The following ARHGEF6 variants were observed in gnomAD, a reference collection of about 807,000 sequenced individuals.
ARHGEF6 encodes the protein Rac/Cdc42 guanine nucleotide exchange factor 6.
In ARHGEF6, 9 loss-of-function variants were observed where a neutral mutation model predicts 70.3. That is an observed-to-expected ratio of 0.13 (90% CI 0.08 to 0.22). The LOEUF (loss-of-function observed/expected upper bound fraction) is 0.22, where lower values mean the gene tolerates loss of function less well. Ranked by LOEUF, ARHGEF6 falls within the 10% of genes least tolerant of loss-of-function variation. The pLI, the probability that ARHGEF6 is intolerant of heterozygous loss-of-function variation, is 1.00. For missense variants in ARHGEF6, 470 were observed against 563.0 expected, an observed-to-expected ratio of 0.83 and a Z score of 1.67; for synonymous variants, 201 against 207.8, an observed-to-expected ratio of 0.97 and a Z score of 0.28.
At chrX:136,765,663 T>A (rs1426451095) in intron 2 of ARHGEF6, among the ~76,000 whole-genome samples, 2 of 112,983 alleles carry the variant, frequency 1.8e-5, no homozygotes, top group Non-Finnish European at 3.7e-5. Flanking sequence ...AACACTTTTG[T>A]ATAAAATGTC....
intron 9 of ARHGEF6, among the ~76,000 whole-genome samples, chrX:136,694,926 A>C (rs1302620743): frequency 8.9e-6 from 1 of 111,869 alleles, no homozygotes; most frequent in Non-Finnish European, 1.9e-5. Context: ...AGCTGCATGC[A>C]ATCATACAAT....
At chrX:136,675,140 T>C in intron 18 of ARHGEF6, 44 bp from the exon 19 acceptor site, 4 of 1,091,932 alleles carry the variant, frequency 3.7e-6, no homozygotes, top group Non-Finnish European at 5.1e-6. Flanking sequence ...ATATATGCTT[T>C]TGGACCCTCA....
At chrX:136,729,359 T>TCGGGA (rs2076908572) in intron 6 of ARHGEF6, among the ~76,000 whole-genome samples, 1 of 102,088 alleles carries the variant, frequency 9.8e-6, no homozygotes, top group African/African-American at 3.6e-5. Flanking sequence ...TCCCAGCTAC[T>TCGGGA]CGGGAAGATG....
chrX:136,767,371 G>A, intron 2 of ARHGEF6: 1 of 755,257 alleles, frequency 1.3e-6, no homozygotes, highest in Non-Finnish European at 1.6e-6. Context: ...TCGCCCCAGC[G>A]GGGAGGGGCG....
chrX:136,682,089 T>C (rs1013331420), intron 13 of ARHGEF6, 121 bp from the exon 14 acceptor site: 13 of 538,995 alleles, frequency 2.4e-5, no homozygotes, highest in Non-Finnish European at 4.2e-5. Context: ...CTCCAGTCTG[T>C]CAATAGATAA....
chrX:136,745,089 G>A (rs1409482926), intron 4 of ARHGEF6, 134 bp downstream of exon 4: 2 of 881,416 alleles, frequency 2.3e-6, no homozygotes, highest in East Asian at 3.1e-5. Context: ...ATTGGTGCTC[G>A]GTTTATAATT....
rs766570806 is a variant in ARHGEF6, at chrX:136,680,770, T to C, written c.1665A>G (p.Ser555=). Residue 555 remains serine, a synonymous_variant, in exon 15 of 22, where the codon TCA becomes TCG. Transcript: ENST00000250617. ...ATGATGACGATGAGGTTTTGGATAA[T>C]GAACTGCAAGAGGCAGGTCCTCTGA... ...RLIRGPASCS[S]LSKTSSSSCS... 1.1e-5 allele frequency: 13 copies of C among 1,210,260 alleles called. No homozygotes were observed. In the East Asian group the frequency reaches 1.2e-4, roughly 11 times the overall value.
intron 9 of ARHGEF6, among the ~76,000 whole-genome samples, chrX:136,693,808 C>T (rs1474820223): frequency 1.8e-5 from 2 of 111,127 alleles, no homozygotes; most frequent in Non-Finnish European, 3.8e-5. Flanking sequence ...ATAACTCTAC[C>T]TAGCAGAAGG....
intron 10 of ARHGEF6, among the ~76,000 whole-genome samples, chrX:136,689,651 C>T (rs1283346715): frequency 8.9e-6 from 1 of 112,012 alleles, no homozygotes; most frequent in Non-Finnish European, 1.9e-5. Context: ...AATGTGGTTT[C>T]GCTCAGAGAA....
chrX:136,708,912 CAGCTTCTTA>C lies in ARHGEF6; in HGVS notation c.828-151_828-143del, dbSNP rs2076655806. 7.4e-6 allele frequency: 3 copies of C among 404,840 alleles called. No individual in the cohort carries two copies. In the East Asian group the frequency reaches 1.5e-4, roughly 20 times the overall value. 33.4% of individuals were successfully genotyped at this position (404,840 alleles called of 1,213,427 possible). A position where few individuals can be genotyped will look rare whatever the true frequency, so the allele number is the denominator to read the frequency against. On this transcript the variant is annotated intron_variant, in intron 7 of 21. Transcript: ENST00000250617. The stretch of plus-strand genomic sequence containing the variant: ...TTTATAACAACTCTATTGTCTTAGG[CAGCTTCTTA>C]AGCTTCTCCCCTTGATTTTCTTTTA...
chrX:136,774,748 AAAAAG>A (rs1331260002), intron 2 of ARHGEF6, among the ~76,000 whole-genome samples: 1 of 110,401 alleles, frequency 9.1e-6, no homozygotes, highest in African/African-American at 3.3e-5. Context: ...AATAGAAAAA[AAAAAG>A]AAAATTCCAT....
At chrX:136,759,906 G>T (rs1040238896) in intron 2 of ARHGEF6, among the ~76,000 whole-genome samples, 1 of 112,180 alleles carries the variant, frequency 8.9e-6, no homozygotes. Context: ...AACTTAATTA[G>T]GAAGGTAAAT....
At chrX:136,677,018 A>G (rs1043162355) in intron 17 of ARHGEF6, among the ~76,000 whole-genome samples, 3 of 112,496 alleles carry the variant, frequency 2.7e-5, no homozygotes, top group Non-Finnish European at 5.6e-5. Flanking sequence ...CCATCTGCAG[A>G]GAAAGTAAGG....
chrX:136,762,170 T>C (rs2077269808), intron 2 of ARHGEF6, among the ~76,000 whole-genome samples: 2 of 112,197 alleles, frequency 1.8e-5, no homozygotes, highest in South Asian at 7.4e-4. Context: ...CGCCTCGGCC[T>C]CCCAAAGTGC....
chrX:136,668,073 A>T lies in ARHGEF6; in HGVS notation c.2287T>A (p.Cys763Ser). Reference sequence around the variant, plus strand: ...TTGCTACTGGACTCGCCTCGAATACACTCATCTGTTTGCTTCAAAAGCCTC... The same window carrying T: ...TTGCTACTGGACTCGCCTCGAATACTCTCATCTGTTTGCTTCAAAAGCCTC... ...VRRLLKQTDE[C>S]IRGESSSKTS... The change falls in exon 22 of 22, where the codon TGT (cysteine) becomes AGT (serine). Residue 763 changes from cysteine (C) to serine (S), a missense_variant. Transcript: ENST00000250617. 3.3e-6 allele frequency: 4 copies of T among 1,211,361 alleles called. No homozygotes were observed. Among genetic ancestry groups the T allele is most frequent in the East Asian group, 3.0e-5 (1 of 33,822 alleles).
chrX:136,757,542 T>C (rs1202753554), intron 2 of ARHGEF6, among the ~76,000 whole-genome samples: 1 of 112,191 alleles, frequency 8.9e-6, no homozygotes, highest in Non-Finnish European at 1.9e-5. Flanking sequence ...CTGACATTTA[T>C]ACTTCTCCTT....
intron 2 of ARHGEF6, among the ~76,000 whole-genome samples, chrX:136,762,194 G>A (rs1436239380): frequency 2.7e-5 from 3 of 112,223 alleles, no homozygotes; most frequent in South Asian, 7.3e-4. Context: ...GATTACAGGC[G>A]TATGCCACCA....
At chrX:136,681,153 T>TG (rs1248829091) in intron 14 of ARHGEF6, among the ~76,000 whole-genome samples, 13 of 112,514 alleles carry the variant, frequency 1.2e-4, no homozygotes, top group Non-Finnish European at 2.2e-4. Flanking sequence ...TAAACAAACT[T>TG]GCAATCCAAA....
chrX:136,687,676 C>T (rs1039978084), intron 11 of ARHGEF6, among the ~76,000 whole-genome samples: 12 of 111,996 alleles, frequency 1.1e-4, no homozygotes, highest in Admixed American at 9.4e-4. Context: ...CCCACCTACA[C>T]ACCAATGCTT....
Sources: allele counts gnomAD v4.1 joint callset (sites outside exome capture counted in the v4.1 genomes callset), GRCh38; gene constraint gnomAD v4.1.1; transcripts MANE v1.5; gene names NCBI Gene and HGNC (gene_info 2026-07-23, HGNC 2026-07-21).